The following NIPSNAP2 variants were observed in gnomAD, a reference collection of about 807,000 sequenced individuals.
NIPSNAP2 encodes nipsnap homolog 2.
In NIPSNAP2, 42 loss-of-function variants were observed where a neutral mutation model predicts 48.4. That is an observed-to-expected ratio of 0.87 (90% CI 0.68 to 1.12). The LOEUF is 1.12. Ranked by LOEUF, NIPSNAP2 falls within the 50% of genes most tolerant of loss-of-function variation. NIPSNAP2 has a pLI of 0.00. For synonymous variants in NIPSNAP2, 158 were observed against 126.6 expected, an observed-to-expected ratio of 1.25 and a Z score of -1.67; for missense variants, 314 against 347.3, an observed-to-expected ratio of 0.90 and a Z score of 0.76.
At chr7:55,993,919 G>T (rs1223435048) in intron 7 of NIPSNAP2, among the ~76,000 whole-genome samples, 1 of 142,986 alleles carries the variant, frequency 7.0e-6, no homozygotes, top group Non-Finnish European at 1.6e-5. Flanking sequence ...GTTTGCTCTA[G>T]TAGGAAAGAA....
intron 1 of NIPSNAP2, among the ~76,000 whole-genome samples, chr7:55,970,032 T>C (rs910517238): frequency 6.6e-6 from 1 of 151,088 alleles, no homozygotes; most frequent in African/African-American, 2.4e-5. Flanking sequence ...GGTGTGCTCC[T>C]GCTGCCTCAT....
chr7:55,968,402 C>G (rs1338134212), intron 1 of NIPSNAP2, among the ~76,000 whole-genome samples: 1 of 143,510 alleles, frequency 7.0e-6, no homozygotes, highest in Non-Finnish European at 1.5e-5. Context: ...TTTTTTTTTC[C>G]TGAGACAGAG....
At chr7:55,990,890 C>T (rs1428266425) in intron 7 of NIPSNAP2, among the ~76,000 whole-genome samples, 4 of 151,174 alleles carry the variant, frequency 2.6e-5, no homozygotes, top group South Asian at 4.2e-4. Context: ...TGGGTTCAAG[C>T]GATTAGCCTG....
chr7:55,972,430 TTTTC>T (rs1001352615), intron 1 of NIPSNAP2, among the ~76,000 whole-genome samples: 5 of 150,870 alleles, frequency 3.3e-5, no homozygotes, highest in African/African-American at 1.2e-4. Context: ...TCTTTTTTCT[TTTTC>T]TTTTTTTTTT....
chr7:55,978,160 G>C lies in NIPSNAP2; in HGVS notation c.127G>C (p.Asp43His). 6.2e-7 allele frequency: 1 copy of C among 1,614,150 alleles called. No individual in the cohort carries two copies. Among genetic ancestry groups the C allele is most frequent in the Non-Finnish European group, 8.5e-7 (1 of 1,180,030 alleles). The change falls in exon 2 of 10, where the codon GAC (aspartate) becomes CAC (histidine). Residue 43 changes from aspartate to histidine, a missense_variant. Transcript: ENST00000322090. The stretch of plus-strand genomic sequence containing the variant: ...ATCTTCCAGCAACAGATCTCGAGAA[G>C]ACAGCTGGCTAAAATCCTTATTTGT... Reference protein sequence around the residue: ...WTSSSNRSREDSWLKSLFVRK... With the variant: ...WTSSSNRSREHSWLKSLFVRK...
rs1392851614 is a variant in NIPSNAP2, at chr7:56,000,151, A to G, written c.*1079A>G. Reference sequence around the variant, plus strand: ...AATGATTTTCTCAAAGAACATAGAAAAGTCAATAAAATCCTCTTAATTTCC... The same window carrying G: ...AATGATTTTCTCAAAGAACATAGAAGAGTCAATAAAATCCTCTTAATTTCC... On this transcript the variant is annotated 3_prime_UTR_variant, in exon 10 of 10. Coordinates refer to ENST00000322090, the MANE Select transcript of NIPSNAP2 (RefSeq NM_001483.3). 1 of 152,540 alleles carries G rather than the reference A, an allele frequency of 6.6e-6. No individual in the cohort carries two copies. Among genetic ancestry groups the G allele is most frequent in the Non-Finnish European group, 1.5e-5 (1 of 68,046 alleles). The allele number at this position is 152,540 out of a possible 1,614,324, so 9.4% of individuals were successfully genotyped here.
At chr7:55,967,444 C>G (rs1463202162) in intron 1 of NIPSNAP2, among the ~76,000 whole-genome samples, 1 of 152,104 alleles carries the variant, frequency 6.6e-6, no homozygotes, top group African/African-American at 2.4e-5. Flanking sequence ...GGGCTCGAAC[C>G]TGTTAGTGAA....
chr7:55,979,705 C>T (rs1169234701), intron 3 of NIPSNAP2: 4 of 452,832 alleles, frequency 8.8e-6, no homozygotes, highest in Non-Finnish European at 1.8e-5. Context: ...GATTGATCTG[C>T]TTGAGTTCTG....
chr7:55,997,411 G>A lies in NIPSNAP2; in HGVS notation c.758G>A (p.Trp253Ter). The A allele has an allele frequency of 6.2e-7, 1 of 1,613,914 alleles. No individual in the cohort carries two copies. The highest frequency in any genetic ancestry group is 8.5e-7 in the Non-Finnish European group (1 of 1,179,846). ...QTREDIRNAA[W>*]HKHGWEELVY... ...AGGGAAGACATACGGAATGCAGCATGGCACAAACATGGCTGGGAGGAATTG... is the reference window on the plus strand; with the variant it reads ...AGGGAAGACATACGGAATGCAGCATAGCACAAACATGGCTGGGAGGAATTG... Residue 253 changes from tryptophan to a stop codon, truncating the protein, a stop_gained, in exon 9 of 10, where the codon TGG (tryptophan) becomes TAG (stop). Coordinates refer to ENST00000322090, the MANE Select transcript of NIPSNAP2 (RefSeq NM_001483.3). LOFTEE classifies it high-confidence loss of function.
At position 55,964,598 on chromosome 7, in the gene NIPSNAP2, G is replaced by C. The variant is rs974074555; in HGVS notation, c.-12G>C. 3 of 1,011,736 alleles carry C rather than the reference G, an allele frequency of 3.0e-6. No homozygotes were observed. In the African/African-American group the frequency reaches 5.2e-5, roughly 18 times the overall value. 62.7% of individuals were successfully genotyped at this position (1,011,736 alleles called of 1,614,324 possible). ...CGGCGCCCGGGCGGTGGGAGCCGAG[G>C]CGCCGAGCAAGATGGCGGCGCGAGT... On this transcript the variant is annotated 5_prime_UTR_variant, in exon 1 of 10. Coordinates refer to ENST00000322090, the MANE Select transcript of NIPSNAP2 (RefSeq NM_001483.3).
chr7:55,988,887 C>T (rs1276595398), intron 7 of NIPSNAP2, among the ~76,000 whole-genome samples: 1 of 151,916 alleles, frequency 6.6e-6, no homozygotes, highest in African/African-American at 2.4e-5. Context: ...AAAAAAATTA[C>T]ATATGACCCA....
chr7:55,988,110 A>G (rs1378300855), intron 7 of NIPSNAP2, among the ~76,000 whole-genome samples: 5 of 152,188 alleles, frequency 3.3e-5, no homozygotes, highest in African/African-American at 9.6e-5. Flanking sequence ...AAAAATACAA[A>G]AATTAACCAG....
intron 3 of NIPSNAP2, chr7:55,979,911 G>A (rs1250126569): frequency 4.4e-6 from 2 of 451,948 alleles, no homozygotes; most frequent in African/African-American, 4.0e-5. Context: ...CCTAAGAGCA[G>A]GTTTGGGGTC....
At chr7:55,971,507 G>A (rs1248944201) in intron 1 of NIPSNAP2, among the ~76,000 whole-genome samples, 3 of 152,024 alleles carry the variant, frequency 2.0e-5, no homozygotes, top group Non-Finnish European at 2.9e-5. Flanking sequence ...TCTGTTGCCC[G>A]GGCTGGAGTA....
intron 7 of NIPSNAP2, among the ~76,000 whole-genome samples, chr7:55,993,402 A>T (rs1787490021): frequency 6.6e-6 from 1 of 151,804 alleles, no homozygotes; most frequent in Non-Finnish European, 1.5e-5. Context: ...ACATGGCGAA[A>T]CCTCATGCCT....
At chr7:55,990,822 C>G (rs1350411235) in intron 7 of NIPSNAP2, among the ~76,000 whole-genome samples, 3 of 143,926 alleles carry the variant, frequency 2.1e-5, no homozygotes, top group Non-Finnish European at 4.5e-5. Context: ...GAGTCTTGCT[C>G]TGTTGCCCAG....
intron 3 of NIPSNAP2, chr7:55,980,734 C>T (rs1239355395): frequency 1.3e-5 from 2 of 152,272 alleles, no homozygotes; most frequent in African/African-American, 4.8e-5. Flanking sequence ...GGCTTTGTCC[C>T]TGTCCCTGCA....
At chr7:55,989,179 G>A (rs368143953) in intron 7 of NIPSNAP2, among the ~76,000 whole-genome samples, 27 of 152,140 alleles carry the variant, frequency 1.8e-4, no homozygotes, top group African/African-American at 6.5e-4. Context: ...AGCTGTCCAC[G>A]TCCTCCCAGG....
At chr7:55,974,258 C>CAA (rs34972221) in intron 1 of NIPSNAP2, among the ~76,000 whole-genome samples, 2 of 123,458 alleles carry the variant, frequency 1.6e-5, no homozygotes, top group Non-Finnish European at 1.9e-5. Context: ...ATTTTTTAAG[C>CAA]AAAAAAAAAG....
Sources: allele counts gnomAD v4.1 joint callset (sites outside exome capture counted in the v4.1 genomes callset), GRCh38; gene constraint gnomAD v4.1.1; transcripts MANE v1.5; gene names NCBI Gene and HGNC (gene_info 2026-07-23, HGNC 2026-07-21).